RABGAP1: variants seen among roughly 807,000 people sequenced by gnomAD.
RABGAP1 encodes the protein rab GTPase-activating protein 1.
A neutral mutation model predicts 137.6 loss-of-function variants in RABGAP1; 23 were observed. The ratio of observed to expected loss-of-function variants is 0.17; its 90% CI spans 0.12 to 0.24. The LOEUF is 0.24. Among genes scored for constraint, RABGAP1 ranks in the 10% least tolerant of loss-of-function variants. The pLI is 1.00. For missense variants in RABGAP1, 906 were observed against 1,275.8 expected (o/e 0.71, Z 4.42); for synonymous variants, 451 against 450.7 (o/e 1.00, Z -0.01).
chr9:122,946,919 G>T (rs746959645), intron 1 of RABGAP1, among the ~76,000 whole-genome samples: 9 of 152,038 alleles, frequency 5.9e-5, no homozygotes, highest in Non-Finnish European at 1.2e-4. Context: ...AGATATAGTG[G>T]GGAGAGTATG....
At chr9:122,961,966 T>C (rs1262643399) in intron 2 of RABGAP1, among the ~76,000 whole-genome samples, 1 of 152,156 alleles carries the variant, frequency 6.6e-6, no homozygotes, top group East Asian at 1.9e-4. Flanking sequence ...AAGGTTAATA[T>C]AAGAAAAGCT....
chr9:122,952,258 TTTTTTA>T (rs1165799307), intron 1 of RABGAP1, among the ~76,000 whole-genome samples: 1 of 151,964 alleles, frequency 6.6e-6, no homozygotes, highest in African/African-American at 2.4e-5. Context: ...ATTTTTTATT[TTTTTTA>T]TTTTTATTTT....
rs751198376 is a variant in RABGAP1, at chr9:123,090,386, G to GT, written c.2628+2dup. The GT allele has an allele frequency of 6.9e-6, 11 of 1,601,512 alleles. No homozygotes were observed. Among genetic ancestry groups the GT allele is most frequent in the South Asian group, 4.5e-5 (4 of 89,630 alleles). On this transcript the variant is annotated splice_donor_variant, in intron 21 of 25. Transcript: ENST00000373647. LOFTEE classifies it high-confidence loss of function. Reference sequence around the variant, plus strand: ...TGCACTACGGAAGGACCTGGATAACGTAAGTCCAACGGGTCTGAAGGGAAA... The same window carrying GT: ...TGCACTACGGAAGGACCTGGATAACGTTAAGTCCAACGGGTCTGAAGGGAAA...
At chr9:123,014,562 C>T (rs1207076224) in intron 11 of RABGAP1, among the ~76,000 whole-genome samples, 3 of 151,354 alleles carry the variant, frequency 2.0e-5, no homozygotes, top group Non-Finnish European at 2.9e-5. Flanking sequence ...CATTTTATAC[C>T]GTATTTTGCC....
chr9:123,065,215 C>G (rs2034129496), intron 13 of RABGAP1, 133 bp from the exon 14 acceptor site: 1 of 639,906 alleles, frequency 1.6e-6, no homozygotes, highest in Non-Finnish European at 2.8e-6. Flanking sequence ...GAGGCAGTAA[C>G]TATGGGCATA....
intron 6 of RABGAP1, among the ~76,000 whole-genome samples, chr9:122,993,927 G>A (rs981053033): frequency 6.6e-6 from 1 of 152,130 alleles, no homozygotes; most frequent in African/African-American, 2.4e-5. Flanking sequence ...GCCTCCCATA[G>A]TGCTGGGATT....
the RABGAP1 span, among the ~76,000 whole-genome samples, chr9:122,934,574 C>G: frequency 6.6e-6 from 1 of 152,208 alleles, no homozygotes; most frequent in Non-Finnish European, 1.5e-5. Flanking sequence ...ATGATCACAG[C>G]TCACTGAAGC....
At chr9:123,000,483 T>G (rs1389958492) in intron 10 of RABGAP1, among the ~76,000 whole-genome samples, 2 of 152,224 alleles carry the variant, frequency 1.3e-5, no homozygotes, top group East Asian at 3.8e-4. Context: ...TTGACCTGTC[T>G]GTAGCATTTG....
At chr9:123,034,560 G>A (rs1219944914) in intron 13 of RABGAP1, 2 of 1,577,666 alleles carry the variant, frequency 1.3e-6, no homozygotes, top group Non-Finnish European at 1.7e-6. Flanking sequence ...TCACTCCTGA[G>A]CTCAAGATGA....
rs780698090 is a variant in RABGAP1 at position 123,103,131 on chromosome 9, A to G, written c.3128A>G (p.Gln1043Arg). The G allele has an allele frequency of 1.2e-6, 2 of 1,614,036 alleles. No homozygotes were observed. The highest frequency in any genetic ancestry group is 1.7e-6 in the Non-Finnish European group (2 of 1,180,004). ...HHLGLALNEV[Q>R]AAKKTWFNRT... The stretch of plus-strand genomic sequence containing the variant: ...TTAGGGCTTGCCCTCAATGAGGTGC[A>G]GGCAGCCAAGAAGACGTGGTTTAAC... Residue 1043 changes from glutamine (Q) to arginine (R), a missense_variant, in exon 26 of 26, where the codon CAG becomes CGG. By Grantham distance (43) the Gln-to-Arg change is conservative. Coordinates refer to ENST00000373647, the MANE Select transcript of RABGAP1 (RefSeq NM_012197.4).
intron 9 of RABGAP1, among the ~76,000 whole-genome samples, chr9:122,997,628 G>A (rs1163272884): frequency 1.3e-5 from 2 of 149,938 alleles, no homozygotes; most frequent in Non-Finnish European, 1.5e-5. Context: ...AGACTTATAA[G>A]TTTTATTTTT....
At chr9:122,953,691 G>A (rs1436086073) in intron 1 of RABGAP1, among the ~76,000 whole-genome samples, 1 of 152,168 alleles carries the variant, frequency 6.6e-6, no homozygotes, top group Non-Finnish European at 1.5e-5. Context: ...GAGCCACTGC[G>A]CCCGCCCGGA....
At chr9:122,980,608 T>C (rs112127078) in intron 2 of RABGAP1, among the ~76,000 whole-genome samples, 6 of 152,356 alleles carry the variant, frequency 3.9e-5, no homozygotes, top group African/African-American at 1.4e-4. Context: ...AATTATGTTA[T>C]ATGGTAAACC....
chr9:122,941,621 T>G (rs1238314190), intron 1 of RABGAP1, among the ~76,000 whole-genome samples: 2 of 152,240 alleles, frequency 1.3e-5, no homozygotes, highest in African/African-American at 2.4e-5. Flanking sequence ...GGTTGGTCTT[T>G]CAGTCTCATT....
chr9:122,966,890 A>C (rs1039649842), intron 2 of RABGAP1, among the ~76,000 whole-genome samples: 2 of 152,230 alleles, frequency 1.3e-5, no homozygotes, highest in Non-Finnish European at 2.9e-5. Flanking sequence ...GAGATTGTGC[A>C]GGAAAACTCT....
chr9:122,954,354 A>T (rs941626862), intron 1 of RABGAP1, among the ~76,000 whole-genome samples: 6 of 152,210 alleles, frequency 3.9e-5, no homozygotes, highest in Admixed American at 2.6e-4. Flanking sequence ...TTTTTCCTTT[A>T]CTACTTAGTG....
chr9:123,094,988 C>T (rs979263341), intron 21 of RABGAP1, among the ~76,000 whole-genome samples: 23 of 151,872 alleles, frequency 1.5e-4, no homozygotes, highest in Middle Eastern at 3.4e-3. Flanking sequence ...ATTTCTTTTT[C>T]CCACTTTTCC....
intron 10 of RABGAP1, among the ~76,000 whole-genome samples, chr9:123,001,885 T>TA (rs1241867505): frequency 6.6e-6 from 1 of 152,170 alleles, no homozygotes; most frequent in African/African-American, 2.4e-5. Flanking sequence ...ACCAAATTAA[T>TA]AAAAAAGCAC....
chr9:123,082,699 T>C (rs911639610), intron 19 of RABGAP1, among the ~76,000 whole-genome samples: 17 of 123,060 alleles, frequency 1.4e-4, no homozygotes, highest in African/African-American at 4.6e-4. Flanking sequence ...CATTGCTTCA[T>C]TAGAACGTGT....
Sources: gnomAD v4.1 joint callset for allele counts (sites outside exome capture counted in the v4.1 genomes callset) on GRCh38, gnomAD v4.1.1 for gene constraint, MANE v1.5 for transcripts, NCBI Gene and HGNC (gene_info 2026-07-23, HGNC 2026-07-21) for gene names.